The following DLG1 variants were observed in gnomAD, a reference collection of about 807,000 sequenced individuals.
DLG1 encodes disks large homolog 1.
In DLG1, 42 loss-of-function variants were observed where a neutral mutation model predicts 123.4. The observed-to-expected ratio is 0.34, with a 90% CI of 0.27 to 0.44. The LOEUF (loss-of-function observed/expected upper bound fraction) is 0.44. Among genes scored for constraint, DLG1 ranks in the 20% least tolerant of loss-of-function variants. The pLI, the probability that DLG1 is intolerant of heterozygous loss-of-function variation, is 1.00. For synonymous variants in DLG1, 317 were observed against 356.2 expected, an observed-to-expected ratio of 0.89 and a Z score of 1.24; for missense variants, 942 against 1,082.6, an observed-to-expected ratio of 0.87 and a Z score of 1.82.
At chr3:197,204,940 C>A (rs1047637135) in intron 4 of DLG1, among the ~76,000 whole-genome samples, 3 of 152,072 alleles carry the variant, frequency 2.0e-5, no homozygotes, top group African/African-American at 7.2e-5. Flanking sequence ...TGACAGCAAT[C>A]GCCAAAAGGT....
intron 24 of DLG1, among the ~76,000 whole-genome samples, chr3:197,046,014 G>T (rs1020248225): frequency 1.3e-5 from 2 of 152,182 alleles, no homozygotes; most frequent in African/African-American, 4.8e-5. Context: ...GAATAACCAA[G>T]AATTTTCAGT....
intron 17 of DLG1, among the ~76,000 whole-genome samples, chr3:197,080,231 C>T (rs747677307): frequency 7.0e-6 from 1 of 143,306 alleles, no homozygotes; most frequent in Non-Finnish European, 1.5e-5. Flanking sequence ...AATAAATACA[C>T]TTCTAAAATA....
At chr3:197,158,585 G>C (rs537804443) in intron 5 of DLG1, among the ~76,000 whole-genome samples, 3 of 138,916 alleles carry the variant, frequency 2.2e-5, no homozygotes, top group Non-Finnish European at 4.5e-5. Context: ...GGTGAGCCGA[G>C]ATTGTGCCAT....
chr3:197,141,713 G>A (rs555519921), intron 7 of DLG1, among the ~76,000 whole-genome samples: 2 of 152,172 alleles, frequency 1.3e-5, no homozygotes, highest in African/African-American at 4.8e-5. Flanking sequence ...AATAAAAACT[G>A]AATGCAGATA....
intron 4 of DLG1, among the ~76,000 whole-genome samples, chr3:197,273,373 G>T (rs1712925272): frequency 6.6e-6 from 1 of 151,538 alleles, no homozygotes; most frequent in Non-Finnish European, 1.5e-5. Context: ...AAGTAGCTGG[G>T]ATTACAGGTG....
chr3:197,229,107 C>T (rs1741491567), intron 4 of DLG1, among the ~76,000 whole-genome samples: 1 of 152,124 alleles, frequency 6.6e-6, no homozygotes, highest in Non-Finnish European at 1.5e-5. Context: ...TGCTACTAAA[C>T]ATTTTATAAC....
At chr3:197,231,566 T>G (rs1186912726) in intron 4 of DLG1, among the ~76,000 whole-genome samples, 1 of 151,680 alleles carries the variant, frequency 6.6e-6, no homozygotes, top group African/African-American at 2.4e-5. Flanking sequence ...CCAGGCATGG[T>G]GGCAGGCGCC....
chr3:197,119,005 A>G (rs1475273476), intron 12 of DLG1, among the ~76,000 whole-genome samples: 1 of 152,158 alleles, frequency 6.6e-6, no homozygotes, highest in East Asian at 1.9e-4. Context: ...CCCTCCTGCT[A>G]AAACCAAACC....
intron 11 of DLG1, among the ~76,000 whole-genome samples, chr3:197,123,920 A>C (rs1777684045): frequency 6.6e-6 from 1 of 152,232 alleles, no homozygotes; most frequent in African/African-American, 2.4e-5. Context: ...AAATTCTTAA[A>C]ATTGGTACCC....
At chr3:197,074,788 T>C (rs1304471154) in intron 18 of DLG1, among the ~76,000 whole-genome samples, 1 of 152,022 alleles carries the variant, frequency 6.6e-6, no homozygotes, top group African/African-American at 2.4e-5. Context: ...TAAATCACTA[T>C]GGTTGAAATA....
chr3:197,137,335 T>G (rs1785528322), intron 9 of DLG1, among the ~76,000 whole-genome samples: 1 of 152,248 alleles, frequency 6.6e-6, no homozygotes, highest in African/African-American at 2.4e-5. Flanking sequence ...CAGATGTAAC[T>G]GCTCATAATA....
chr3:197,291,376 CTAATA>C (rs1774849884), intron 3 of DLG1, among the ~76,000 whole-genome samples: 1 of 151,258 alleles, frequency 6.6e-6, no homozygotes, highest in Admixed American at 6.6e-5. Context: ...ATCAGTGGGA[CTAATA>C]TAATGCAAAA....
chr3:197,083,618 T>G (rs968480544), intron 16 of DLG1, among the ~76,000 whole-genome samples: 1 of 152,146 alleles, frequency 6.6e-6, no homozygotes, highest in African/African-American at 2.4e-5. Flanking sequence ...GGCCTGTCCT[T>G]AACTACTTTT....
intron 6 of DLG1, 97 bp from the exon 7 acceptor site, chr3:197,142,865 G>T: frequency 1.2e-6 from 1 of 829,762 alleles, no homozygotes; most frequent in Non-Finnish European, 2.0e-6. Flanking sequence ...AAAACCTGTT[G>T]AATGCGACAG....
intron 10 of DLG1, among the ~76,000 whole-genome samples, chr3:197,133,880 T>C (rs1783855586): frequency 6.6e-6 from 1 of 152,234 alleles, no homozygotes; most frequent in East Asian, 1.9e-4. Flanking sequence ...GATAAGTCAA[T>C]TAAGATGAGG....
chr3:197,114,520 T>C (rs1281147361), intron 13 of DLG1, among the ~76,000 whole-genome samples: 1 of 152,242 alleles, frequency 6.6e-6, no homozygotes, highest in Non-Finnish European at 1.5e-5. Context: ...AAAATAAAGA[T>C]ACTTTCAGAT....
At chr3:197,254,859 C>T (rs1397419627) in intron 4 of DLG1, among the ~76,000 whole-genome samples, 1 of 151,926 alleles carries the variant, frequency 6.6e-6, no homozygotes, top group East Asian at 1.9e-4. Context: ...GACAGCCTGG[C>T]CAATGTGGTG....
chr3:197,067,990 T>TC (rs1372650286), intron 19 of DLG1, among the ~76,000 whole-genome samples: 3 of 152,246 alleles, frequency 2.0e-5, no homozygotes, highest in African/African-American at 4.8e-5. Flanking sequence ...GAAGACTTTC[T>TC]CTTTAATTAT....
chr3:197,137,361 T>C (rs1785545593), intron 9 of DLG1, among the ~76,000 whole-genome samples: 2 of 152,224 alleles, frequency 1.3e-5, no homozygotes, highest in South Asian at 4.1e-4. Context: ...TATAAACACT[T>C]CTTCTTTTAA....
Sources: gnomAD v4.1 joint callset for allele counts (sites outside exome capture counted in the v4.1 genomes callset) on GRCh38, gnomAD v4.1.1 for gene constraint, MANE v1.5 for transcripts, NCBI Gene and HGNC (gene_info 2026-07-23, HGNC 2026-07-21) for gene names.